The following ZNF423 variants were observed in gnomAD, a reference collection of about 807,000 sequenced individuals.
ZNF423 encodes the protein zinc finger protein 423, also known as Ebf-associated zinc finger protein.
Under a neutral mutation model 95.8 loss-of-function variants are expected in ZNF423, and 12 were observed. The observed-to-expected ratio is 0.13, with a 90% CI of 0.08 to 0.20. The LOEUF (loss-of-function observed/expected upper bound fraction) is 0.20. ZNF423 is among the 10% of genes least tolerant of loss of function. The pLI is 1.00. For missense variants in ZNF423, 1,316 were observed against 1,737.1 expected, an observed-to-expected ratio of 0.76 and a Z score of 4.31; for synonymous variants, 749 against 711.9, an observed-to-expected ratio of 1.05 and a Z score of -0.83.
chr16:49,704,431 G>C (rs1030341699), intron 3 of ZNF423, among the ~76,000 whole-genome samples: 1 of 152,054 alleles, frequency 6.6e-6, no homozygotes, highest in African/African-American at 2.4e-5. Flanking sequence ...AATTTGTCTA[G>C]GACTTCCCCA....
At chr16:49,760,258 A>C (rs970880713) in intron 2 of ZNF423, among the ~76,000 whole-genome samples, 60 of 123,126 alleles carry the variant, frequency 4.9e-4, no homozygotes, top group African/African-American at 1.8e-3. Context: ...TGGATGGATT[A>C]ATGAATGGAT....
intron 5 of ZNF423, among the ~76,000 whole-genome samples, chr16:49,525,767 G>C (rs1464919735): frequency 6.6e-6 from 1 of 152,184 alleles, no homozygotes; most frequent in Non-Finnish European, 1.5e-5. Flanking sequence ...AGGTGTGCAG[G>C]CCATGGTCAA....
chr16:49,806,167 G>A (rs751510686), intron 1 of ZNF423, among the ~76,000 whole-genome samples: 2 of 152,262 alleles, frequency 1.3e-5, no homozygotes, highest in Non-Finnish European at 2.9e-5. Flanking sequence ...GCAACACTGG[G>A]CTCTCGCCCA....
At chr16:49,687,191 C>G (rs919046891) in intron 3 of ZNF423, among the ~76,000 whole-genome samples, 1 of 152,024 alleles carries the variant, frequency 6.6e-6, no homozygotes. Context: ...TCCCAGGGCG[C>G]CACCAAGAGA....
chr16:49,500,714 A>G (rs1967360056), intron 7 of ZNF423, among the ~76,000 whole-genome samples: 1 of 151,750 alleles, frequency 6.6e-6, no homozygotes, highest in Non-Finnish European at 1.5e-5. Context: ...CAGGAGTTTG[A>G]GATCAGCCTG....
At chr16:49,654,331 TCTC>T (rs2151907466) in intron 3 of ZNF423, among the ~76,000 whole-genome samples, 1 of 152,278 alleles carries the variant, frequency 6.6e-6, no homozygotes, top group South Asian at 2.1e-4. Flanking sequence ...GGAAGGGTGG[TCTC>T]CTGCATGGCT....
chr16:49,576,817 T>G (rs567555129), intron 5 of ZNF423, among the ~76,000 whole-genome samples: 46 of 152,380 alleles, frequency 3.0e-4, no homozygotes, highest in African/African-American at 1.0e-3. Flanking sequence ...TACTGTATGA[T>G]AAGGAATAGA....
In ZNF423 at chr16:49,636,821, C is replaced by T. The variant is rs747133481; in HGVS notation, c.2355G>A (p.Pro785=). Residue 785 remains proline (P), a synonymous_variant, in exon 4 of 8, where the codon CCG becomes CCA. Coordinates refer to ENST00000563137, the MANE Select transcript of ZNF423 (RefSeq NM_001379286.1). This position sits in a 1 kb window ranked among gnomAD's most constrained non-coding sequence, Gnocchi z 8.6. ...VHVKHSHLGN[P]AKAHKCIFCG... ...AGAAGATGCACTTGTGAGCCTTGGC[C>T]GGGTTGCCCAGGTGGCTGTGTTTGA... 2.7e-5 allele frequency: 44 copies of T among 1,613,962 alleles called. No homozygotes were observed. Among genetic ancestry groups the T allele is most frequent in the African/African-American group, 1.1e-4 (8 of 74,934 alleles).
At chr16:49,701,274 G>A (rs987417211) in intron 3 of ZNF423, among the ~76,000 whole-genome samples, 4 of 152,226 alleles carry the variant, frequency 2.6e-5, no homozygotes, top group Non-Finnish European at 5.9e-5. Context: ...GTGTAGGGTG[G>A]GGGACAGGAA....
At chr16:49,690,297 G>A (rs1478307981) in intron 3 of ZNF423, among the ~76,000 whole-genome samples, 3 of 152,308 alleles carry the variant, frequency 2.0e-5, no homozygotes, top group African/African-American at 7.2e-5. Context: ...CTGGGAGGCC[G>A]AGGCAGGAGG....
At chr16:49,662,839 C>T in intron 3 of ZNF423, among the ~76,000 whole-genome samples, 1 of 152,202 alleles carries the variant, frequency 6.6e-6, no homozygotes, top group East Asian at 1.9e-4. Context: ...AGCATGCAAA[C>T]TTTTCAGGGC....
At chr16:49,733,407 A>C (rs931138009) in intron 2 of ZNF423, among the ~76,000 whole-genome samples, 1 of 152,206 alleles carries the variant, frequency 6.6e-6, no homozygotes, top group South Asian at 2.1e-4. Context: ...AGCACTTTCT[A>C]TAATAGCTCA....
intron 1 of ZNF423, among the ~76,000 whole-genome samples, chr16:49,840,995 G>C (rs1165735350): frequency 6.6e-6 from 1 of 152,194 alleles, no homozygotes; most frequent in Admixed American, 6.5e-5. Context: ...CAAACCTGGT[G>C]TCTCTAAAAA....
At chr16:49,529,804 C>T (rs545780303) in intron 5 of ZNF423, among the ~76,000 whole-genome samples, 28 of 152,124 alleles carry the variant, frequency 1.8e-4, no homozygotes, top group African/African-American at 6.5e-4. Context: ...CGGGCTGCAG[C>T]GGGGTGTGGA....
chr16:49,591,389 T>C (rs986036751), intron 5 of ZNF423, among the ~76,000 whole-genome samples: 1 of 152,038 alleles, frequency 6.6e-6, no homozygotes, highest in Non-Finnish European at 1.5e-5. Flanking sequence ...GCAAAAATAG[T>C]ATGGGCATTG....
intron 3 of ZNF423, among the ~76,000 whole-genome samples, chr16:49,702,852 C>G (rs2032228756): frequency 6.6e-6 from 1 of 152,132 alleles, no homozygotes; most frequent in Admixed American, 6.5e-5. Flanking sequence ...GTTTCTCGGC[C>G]ACAGACCCAT....
chr16:49,659,221 T>C (rs2030065516), intron 3 of ZNF423, among the ~76,000 whole-genome samples: 1 of 152,190 alleles, frequency 6.6e-6, no homozygotes, highest in Non-Finnish European at 1.5e-5. Flanking sequence ...CCCAAGTAGC[T>C]GGGACTACAG....
intron 3 of ZNF423, among the ~76,000 whole-genome samples, chr16:49,648,436 G>A (rs1416047871): frequency 5.2e-5 from 5 of 95,278 alleles, no homozygotes; most frequent in Non-Finnish European, 9.4e-5. Flanking sequence ...GAGGTCGGGA[G>A]TTCGAGACCA....
chr16:49,768,023 T>A (rs972152069), intron 2 of ZNF423, among the ~76,000 whole-genome samples: 2 of 152,254 alleles, frequency 1.3e-5, no homozygotes, highest in Non-Finnish European at 2.9e-5. Flanking sequence ...GACCATTTCT[T>A]AATTAACATT....
Sources: gnomAD v4.1 joint callset for allele counts (sites outside exome capture counted in the v4.1 genomes callset) on GRCh38, gnomAD v4.1.1 for gene constraint, Gnocchi (gnomAD v3.1) non-coding constraint, MANE v1.5 for transcripts, NCBI Gene and HGNC (gene_info 2026-07-23, HGNC 2026-07-21) for gene names.